The following SLC2A9 variants were observed in gnomAD, a reference collection of about 807,000 sequenced individuals.
SLC2A9 encodes the protein solute carrier family 2 member 9, also known as solute carrier family 2, facilitated glucose transporter member 9.
In SLC2A9, 39 loss-of-function variants were observed where a neutral mutation model predicts 50.6. The ratio of observed to expected loss-of-function variants is 0.77; its 90% CI spans 0.60 to 1.01. The LOEUF (loss-of-function observed/expected upper bound fraction) is 1.01, where lower values mean the gene tolerates loss of function less well. Ranked by LOEUF, SLC2A9 falls within the 50% of genes least tolerant of loss-of-function variation. The probability of loss-of-function intolerance (pLI) is 0.00; values close to 1 mark genes in which losing one functional copy is unlikely to be tolerated. For missense variants in SLC2A9, 686 were observed against 677.6 expected, an observed-to-expected ratio of 1.01 and a Z score of -0.14; for synonymous variants, 324 against 276.9, an observed-to-expected ratio of 1.17 and a Z score of -1.69.
intron 11 of SLC2A9, among the ~76,000 whole-genome samples, chr4:9,831,666 G>A (rs937145407): frequency 6.6e-6 from 1 of 152,216 alleles, no homozygotes; most frequent in East Asian, 1.9e-4. Flanking sequence ...GGGGAGCCAG[G>A]ACATAGCTTG....
chr4:9,779,438 G>A (rs934756988), downstream of SLC2A9, among the ~76,000 whole-genome samples: 14 of 148,060 alleles, frequency 9.5e-5, no homozygotes, highest in Admixed American at 4.0e-4. Context: ...TTTTTGAGAC[G>A]GAGTCTGGCT....
At chr4:9,945,869 A>G (rs1481573983) in intron 5 of SLC2A9, among the ~76,000 whole-genome samples, 1 of 152,238 alleles carries the variant, frequency 6.6e-6, no homozygotes, top group African/African-American at 2.4e-5. Context: ...CTATTGAAGG[A>G]GCAAATCAGC....
At chr4:9,806,251 G>T (rs529481851) in intron 3 of SLC2A9, among the ~76,000 whole-genome samples, 23 of 152,314 alleles carry the variant, frequency 1.5e-4, no homozygotes, top group Admixed American at 1.4e-3. Flanking sequence ...TCGGTTTACC[G>T]GAATGAGGTC....
At chr4:9,821,014 G>A (rs1184140377) in intron 3 of SLC2A9, among the ~76,000 whole-genome samples, 1 of 152,144 alleles carries the variant, frequency 6.6e-6, no homozygotes, top group Non-Finnish European at 1.5e-5. Flanking sequence ...CCTGATCTTA[G>A]GGGAAAAGCA....
At position 9,829,656 on chromosome 4, in the gene SLC2A9, TAAAC is replaced by T. The variant is rs1725734343; in HGVS notation, c.1420-3060_1420-3057del. Among the ~76,000 whole-genome samples, 3 of 151,974 alleles carry T rather than the reference TAAAC, an allele frequency of 2.0e-5. No homozygotes were observed. The South Asian group carries it at 6.2e-4, about 32-fold the overall frequency. On this transcript the variant is annotated intron_variant, in intron 11 of 11. Transcript: ENST00000264784. ...TAATATCCAGAGTTCATAAGGAACT[TAAAC>T]AAATTTACAAGAAAAAACAACCTCA...
At chr4:9,978,603 T>C (rs1755192551) in intron 5 of SLC2A9, among the ~76,000 whole-genome samples, 1 of 152,140 alleles carries the variant, frequency 6.6e-6, no homozygotes, top group Non-Finnish European at 1.5e-5. Context: ...AGCAAAAGAG[T>C]CTCTTTAGTT....
intron 8 of SLC2A9, 110 bp from the exon 9 acceptor site, chr4:9,890,821 A>C: frequency 1.1e-6 from 1 of 937,908 alleles, no homozygotes; most frequent in Non-Finnish European, 1.7e-6. Context: ...ACCGGCTTTG[A>C]CCCTGAGACA....
At chr4:9,810,936 C>T (rs73804386) in intron 3 of SLC2A9, among the ~76,000 whole-genome samples, 2,365 of 152,344 alleles carry the variant, frequency 0.016, 68 homozygotes, top group African/African-American at 0.054. Flanking sequence ...TTTTGAACCA[C>T]ACTAGCGATA....
intron 4 of SLC2A9, among the ~76,000 whole-genome samples, chr4:9,984,844 T>C (rs1756443423): frequency 6.6e-6 from 1 of 152,090 alleles, no homozygotes; most frequent in Admixed American, 6.5e-5. Context: ...GTCACATTCA[T>C]CTCAACCCTC....
chr4:9,811,667 C>T (rs965798316), intron 3 of SLC2A9, among the ~76,000 whole-genome samples: 9 of 152,154 alleles, frequency 5.9e-5, no homozygotes, highest in African/African-American at 2.2e-4. Flanking sequence ...CAGGATTGCC[C>T]AGCTGAGCCT....
chr4:10,023,690 C>T (rs1375903640), upstream of SLC2A9, among the ~76,000 whole-genome samples: 1 of 152,234 alleles, frequency 6.6e-6, no homozygotes. Context: ...GCCTCACCTT[C>T]AGCTCCTACT....
chr4:9,773,001 A>G lies in SLC2A9; in HGVS notation n.182-1632T>C, dbSNP rs1717046433. Among the ~76,000 whole-genome samples the G allele has an allele frequency of 2.6e-5, 4 of 152,166 alleles. No homozygotes were observed. The South Asian group carries it at 8.3e-4, about 32-fold the overall frequency. On this transcript the variant is annotated intron_variant and non_coding_transcript_variant, in intron 1 of 1. Transcript: ENST00000508585. ...ACTTGCTTAAGGTTCCAGAGCTGGT[A>G]AGTCAGAGAAGGATATGAACCCAGG...
At chr4:9,932,299 C>A (rs373367350) in intron 6 of SLC2A9, among the ~76,000 whole-genome samples, 16 of 152,036 alleles carry the variant, frequency 1.1e-4, no homozygotes, top group African/African-American at 3.6e-4. Flanking sequence ...CTTTGGTTTT[C>A]TTCATTCATG....
intron 1 of SLC2A9, among the ~76,000 whole-genome samples, chr4:10,036,648 C>T (rs916327545): frequency 2.0e-5 from 3 of 152,186 alleles, no homozygotes; most frequent in African/African-American, 7.2e-5. Context: ...TTCATTTAAC[C>T]AGTCGGTCAT....
intron 5 of SLC2A9, among the ~76,000 whole-genome samples, chr4:9,951,399 A>G (rs1750233812): frequency 6.6e-6 from 1 of 152,170 alleles, no homozygotes; most frequent in African/African-American, 2.4e-5. Context: ...AATAAATCCA[A>G]TGTTTGATAG....
intron 5 of SLC2A9, among the ~76,000 whole-genome samples, chr4:9,969,922 C>T (rs1452880124): frequency 7.2e-5 from 11 of 152,232 alleles, no homozygotes; most frequent in Admixed American, 5.9e-4. Flanking sequence ...TATCACCTCT[C>T]ATACTTGGAA....
At chr4:9,869,595 TG>T (rs1273221435) in intron 10 of SLC2A9, among the ~76,000 whole-genome samples, 1 of 152,244 alleles carries the variant, frequency 6.6e-6, no homozygotes, top group East Asian at 1.9e-4. Context: ...ACCAGGCAGA[TG>T]GGATGGCTTG....
At chr4:9,959,745 T>C (rs1751950581) in intron 5 of SLC2A9, among the ~76,000 whole-genome samples, 1 of 152,230 alleles carries the variant, frequency 6.6e-6, no homozygotes, top group African/African-American at 2.4e-5. Context: ...GTTCCCTTTG[T>C]GGAGTTTCAA....
downstream of SLC2A9, among the ~76,000 whole-genome samples, chr4:9,777,516 A>G (rs1218750242): frequency 6.7e-6 from 1 of 149,526 alleles, no homozygotes; most frequent in Non-Finnish European, 1.5e-5. Context: ...GATTGGTGAA[A>G]GTCAGGGGGA....
Sources: allele counts gnomAD v4.1 joint callset (sites outside exome capture counted in the v4.1 genomes callset), GRCh38; gene constraint gnomAD v4.1.1; transcripts MANE v1.5; gene names NCBI Gene and HGNC (gene_info 2026-07-23, HGNC 2026-07-21).